The following GALNT2 variants were observed in gnomAD, a reference collection of about 807,000 sequenced individuals.
The protein encoded by GALNT2 is polypeptide N-acetylgalactosaminyltransferase 2.
In GALNT2, 31 loss-of-function variants were observed where a neutral mutation model predicts 81.4. The ratio of observed to expected loss-of-function variants is 0.38; its 90% CI spans 0.29 to 0.51. The LOEUF (loss-of-function observed/expected upper bound fraction) is 0.51. GALNT2 is among the 20% of genes least tolerant of loss of function. The pLI is 0.87. For synonymous variants in GALNT2, 303 were observed against 287.4 expected, an observed-to-expected ratio of 1.05 and a Z score of -0.55; for missense variants, 629 against 765.7, an observed-to-expected ratio of 0.82 and a Z score of 2.11.
intron 9 of GALNT2, 85 bp from the exon 10 acceptor site, chr1:230,250,372 G>T: frequency 1.1e-6 from 1 of 944,366 alleles, no homozygotes; most frequent in Non-Finnish European, 1.7e-6. Flanking sequence ...AGGGAATCAA[G>T]GCTTGGCCTT....
intron 3 of GALNT2, among the ~76,000 whole-genome samples, chr1:230,229,679 G>A (rs989332479): frequency 6.6e-6 from 1 of 152,212 alleles, no homozygotes; most frequent in African/African-American, 2.4e-5. Context: ...AAGGGATGAC[G>A]TGTGGTGTGT....
chr1:230,225,616 A>G (rs781464124), intron 3 of GALNT2, among the ~76,000 whole-genome samples: 13 of 151,530 alleles, frequency 8.6e-5, no homozygotes, highest in Non-Finnish European at 1.6e-4. Flanking sequence ...TGGTGACCAC[A>G]GGGGGTCAGA....
intron 1 of GALNT2, among the ~76,000 whole-genome samples, chr1:230,088,602 A>C (rs191261273): frequency 2.8e-4 from 42 of 147,856 alleles, no homozygotes; most frequent in African/African-American, 9.1e-4. Flanking sequence ...CAGTGGCGCT[A>C]TCTCGGCTCA....
At chr1:230,067,461 C>T in intron 1 of GALNT2, 55 bp downstream of exon 1, 1 of 611,650 alleles carries the variant, frequency 1.6e-6, no homozygotes, top group Non-Finnish European at 2.2e-6. Context: ...CCACCCTGCG[C>T]CCCTGTCCCC....
At chr1:230,169,851 T>C (rs1245447477) in intron 1 of GALNT2, among the ~76,000 whole-genome samples, 3 of 152,210 alleles carry the variant, frequency 2.0e-5, no homozygotes, top group African/African-American at 7.2e-5. Context: ...GAATCCAAAA[T>C]AGAAATTTGC....
chr1:230,159,065 G>A (rs1662348966), intron 1 of GALNT2, among the ~76,000 whole-genome samples: 1 of 152,222 alleles, frequency 6.6e-6, no homozygotes, highest in South Asian at 2.1e-4. Flanking sequence ...GGATGAGAGA[G>A]AGAGTAGTGG....
chr1:230,194,063 A>T (rs1489170421), intron 2 of GALNT2, among the ~76,000 whole-genome samples: 1 of 152,222 alleles, frequency 6.6e-6, no homozygotes, highest in Non-Finnish European at 1.5e-5. Flanking sequence ...ACAGATTCTG[A>T]AAAGGTAGCT....
chr1:230,063,655 TATTCCATCAAACTA>T (rs1659100610), upstream of GALNT2, among the ~76,000 whole-genome samples: 1 of 152,232 alleles, frequency 6.6e-6, no homozygotes, highest in African/African-American at 2.4e-5. Flanking sequence ...ATACATCGCT[TATTCCATCAAACTA>T]ATAATGATTT....
chr1:230,280,089 C>G lies in GALNT2; in HGVS notation c.*631C>G, dbSNP rs1307128660. The G allele has an allele frequency of 1.6e-5, 7 of 443,186 alleles. No individual in the cohort carries two copies. 27.5% of individuals were successfully genotyped at this position (443,186 alleles called of 1,614,324 possible). ...GCTATATAGAGAAAGAATGTACGGT[C>G]AGTTCCCTATGGTTTCTGTAGATCA... On this transcript the variant is annotated 3_prime_UTR_variant, in exon 16 of 16. Transcript: ENST00000366672.
chr1:230,165,213 C>T (rs1662563134), intron 1 of GALNT2, among the ~76,000 whole-genome samples: 1 of 152,196 alleles, frequency 6.6e-6, no homozygotes, highest in Non-Finnish European at 1.5e-5. Context: ...CCAGGCTAAT[C>T]CATATGGATA....
chr1:230,161,214 C>G (rs1328151243), intron 1 of GALNT2, among the ~76,000 whole-genome samples: 1 of 152,214 alleles, frequency 6.6e-6, no homozygotes, highest in Non-Finnish European at 1.5e-5. Flanking sequence ...CGTTGGCTGG[C>G]TGGTCCAAGG....
intron 1 of GALNT2, among the ~76,000 whole-genome samples, chr1:230,124,785 G>C (rs556475425): frequency 1.3e-5 from 2 of 152,166 alleles, no homozygotes; most frequent in African/African-American, 4.8e-5. Flanking sequence ...CTGCCGTGAT[G>C]GTCCCACCTG....
chr1:230,237,296 T>C (rs1313197665), intron 6 of GALNT2, among the ~76,000 whole-genome samples: 2 of 152,078 alleles, frequency 1.3e-5, no homozygotes, highest in Non-Finnish European at 2.9e-5. Context: ...TACACTGGAG[T>C]GTCTGGGAAG....
At chr1:230,254,608 T>C (rs1665650740) in intron 10 of GALNT2, among the ~76,000 whole-genome samples, 1 of 152,174 alleles carries the variant, frequency 6.6e-6, no homozygotes, top group African/African-American at 2.4e-5. Flanking sequence ...ACTTTTCCAT[T>C]TGAGGGAAGG....
intron 1 of GALNT2, among the ~76,000 whole-genome samples, chr1:230,092,374 T>C (rs988681777): frequency 4.6e-5 from 7 of 151,930 alleles, no homozygotes; most frequent in African/African-American, 1.7e-4. Context: ...GACAATTCTT[T>C]TGTTTTTGGT....
Position 230,250,464 on chromosome 1 carries a change from A to G in GALNT2, c.913A>G (p.Met305Val). Residue 305 changes from methionine to valine, a missense_variant, in exon 10 of 16, where the codon ATG becomes GTG. Around this residue, in one of 3 missense-constraint regions of GALNT2, gnomAD observed 360 missense variants for 492.8 expected, o/e 0.73. Transcript: ENST00000366672. The stretch of plus-strand genomic sequence containing the variant: ...TTCTTTCTGCCTCTTTAGAACCCCC[A>G]TGATTGCTGGTGGGCTGTTTGTGAT... ...GNPVAPIKTPMIAGGLFVMDK... is the reference protein window; with the variant it reads ...GNPVAPIKTPVIAGGLFVMDK... 5 of 1,613,238 alleles carry G rather than the reference A, an allele frequency of 3.1e-6. No individual in the cohort carries two copies. The highest frequency in any genetic ancestry group is 3.4e-6 in the Non-Finnish European group (4 of 1,179,580).
chr1:230,178,056 A>G (rs963617893), intron 1 of GALNT2, among the ~76,000 whole-genome samples, 162 bp from the exon 2 acceptor site: 1 of 152,044 alleles, frequency 6.6e-6, no homozygotes, highest in African/African-American at 2.4e-5. Flanking sequence ...CTCCCTAACA[A>G]TTTCTGGTGT....
chr1:230,182,975 A>C (rs766678066), intron 2 of GALNT2, among the ~76,000 whole-genome samples: 4 of 152,192 alleles, frequency 2.6e-5, no homozygotes, highest in Non-Finnish European at 4.4e-5. Context: ...TCTTTTTGGA[A>C]AACAGACTTT....
At chr1:230,234,228 A>G (rs983312907) in intron 3 of GALNT2, among the ~76,000 whole-genome samples, 1 of 152,142 alleles carries the variant, frequency 6.6e-6, no homozygotes, top group Non-Finnish European at 1.5e-5. Context: ...CCTCAGTCAG[A>G]TAAGAGAACT....
Sources: gnomAD v4.1 joint callset for allele counts (sites outside exome capture counted in the v4.1 genomes callset) on GRCh38, gnomAD v4.1.1 for gene constraint, gnomAD v4.1.1 regional missense constraint, MANE v1.5 for transcripts, NCBI Gene and HGNC (gene_info 2026-07-23, HGNC 2026-07-21) for gene names.